Variants in TBC1D2B observed in about 807,000 individuals in gnomAD.
TBC1D2B encodes the protein TBC1 domain family, member 2B.
TBC1D2B carries 64 observed loss-of-function variants against 100.8 expected under a neutral mutation model. The ratio of observed to expected loss-of-function variants is 0.64; its 90% CI spans 0.52 to 0.78. TBC1D2B has a LOEUF of 0.78. TBC1D2B is among the 30% of genes least tolerant of loss of function. The probability of loss-of-function intolerance (pLI) is 0.00; values close to 1 mark genes in which losing one functional copy is unlikely to be tolerated. For missense variants in TBC1D2B, 1,052 were observed against 1,218.4 expected (o/e 0.86, Z 2.03); for synonymous variants, 480 against 479.7 (o/e 1.00, Z -0.01).
At chr15:78,060,831 C>T (rs892798724) in intron 1 of TBC1D2B, among the ~76,000 whole-genome samples, 1 of 151,662 alleles carries the variant, frequency 6.6e-6, no homozygotes, top group African/African-American at 2.4e-5. Context: ...ACAGGAGAAT[C>T]GTTTACACCC....
intron 3 of TBC1D2B, among the ~76,000 whole-genome samples, chr15:78,043,215 T>C (rs946460421): frequency 6.6e-6 from 1 of 152,162 alleles, no homozygotes; most frequent in Non-Finnish European, 1.5e-5. Context: ...AGGCTACTTT[T>C]TAAAACAGTG....
intron 2 of TBC1D2B, among the ~76,000 whole-genome samples, chr15:78,053,516 G>A (rs1263796269): frequency 6.6e-6 from 1 of 152,190 alleles, no homozygotes; most frequent in East Asian, 1.9e-4. Flanking sequence ...TTATCTCCAT[G>A]CTGCAAATGG....
At chr15:78,068,569 A>G (rs1457039716) in intron 1 of TBC1D2B, among the ~76,000 whole-genome samples, 1 of 152,200 alleles carries the variant, frequency 6.6e-6, no homozygotes, top group Non-Finnish European at 1.5e-5. Flanking sequence ...GCAGACACTC[A>G]AAGACTAGAC....
intron 11 of TBC1D2B, 47 bp downstream of exon 11, chr15:78,003,258 G>A: frequency 1.4e-5 from 22 of 1,566,184 alleles, no homozygotes; most frequent in Non-Finnish European, 1.8e-5. Context: ...GCTGCTGACG[G>A]TTGTCAAGTG....
At chr15:78,065,426 T>C (rs2073636020) in intron 1 of TBC1D2B, among the ~76,000 whole-genome samples, 1 of 152,150 alleles carries the variant, frequency 6.6e-6, no homozygotes, top group Non-Finnish European at 1.5e-5. Flanking sequence ...GCCACAGATT[T>C]CATCAAGACA....
rs898834455 is a variant in TBC1D2B at position 78,003,029 on chromosome 15, A to C, written c.2574+276T>G. On this transcript the variant is annotated intron_variant, in intron 11 of 12. Transcript: ENST00000300584. ...ATATGATGGGGTAACACCACCAGCC[A>C]TTTGACAGATGGTGAGGCTCAGGCT... 19 of 290,862 alleles carry C rather than the reference A, an allele frequency of 6.5e-5. No homozygotes were observed. In the South Asian group the frequency reaches 1.0e-3, roughly 16 times the overall value. 18.0% of individuals were successfully genotyped at this position (290,862 alleles called of 1,614,324 possible). A position where few individuals can be genotyped will look rare whatever the true frequency, so the allele number is the denominator to read the frequency against.
At position 78,045,018 on chromosome 15, in the gene TBC1D2B, G is replaced by A. The variant is rs1426794817; in HGVS notation, c.565C>T (p.Leu189=). 1 of 1,613,138 alleles carries A rather than the reference G, an allele frequency of 6.2e-7. No individual in the cohort carries two copies. ...TCTCCAGGCACAGTCTCCACAGCTA[G>A]GACATTTCTGGCTTTTTCTGCAGAA... ...NASAEKARNV[L]AVETVPGELV... The change falls in exon 3 of 13, where the codon CTA becomes TTA. Residue 189 remains leucine, a synonymous_variant. Coordinates refer to ENST00000300584, the MANE Select transcript of TBC1D2B (RefSeq NM_144572.2).
chr15:78,044,140 C>T (rs1216346802), intron 3 of TBC1D2B, among the ~76,000 whole-genome samples: 3 of 151,986 alleles, frequency 2.0e-5, no homozygotes, highest in South Asian at 4.2e-4. Context: ...TGAGAAGGAA[C>T]TGCTAATGTA....
chr15:78,058,607 G>A (rs1757645377), intron 1 of TBC1D2B, among the ~76,000 whole-genome samples: 1 of 152,340 alleles, frequency 6.6e-6, no homozygotes, highest in Middle Eastern at 3.4e-3. Flanking sequence ...CTGAGCCTCA[G>A]CTCAGCTGGT....
Position 78,012,846 on chromosome 15 carries a change from GA to G in TBC1D2B, c.2246del (p.Ile749ThrfsTer7), listed in dbSNP as rs2049650625. ...ACCTGTTTAGGCCTTGACAGTAGCC[GA>G]TATCTGGATTCCGCCAGGAGAAGGC... The part of the protein sequence containing the change: ...LLAFSWRNPD[I>X]GYCQGLNRLV... On this transcript the variant is annotated frameshift_variant, in exon 9 of 13. Transcript: ENST00000300584. LOFTEE classifies it high-confidence loss of function. The G allele has an allele frequency of 6.6e-7, 1 of 1,513,466 alleles. No homozygotes were observed. 93.8% of individuals were successfully genotyped at this position (1,513,466 alleles called of 1,614,324 possible).
rs150809172 is a variant in TBC1D2B, at chr15:77,997,826, G to A, written c.*334C>T. Reference sequence around the variant, plus strand: ...TATGGGGAGATGCCCAGCAAAGCAAGGTTTCAGAGGGTCAGAGCACCGACA... The same window carrying A: ...TATGGGGAGATGCCCAGCAAAGCAAAGTTTCAGAGGGTCAGAGCACCGACA... On this transcript the variant is annotated 3_prime_UTR_variant, in exon 13 of 13. Transcript: ENST00000300584. 2.2e-4 allele frequency: 46 copies of A among 209,724 alleles called. No homozygotes were observed. The highest frequency in any genetic ancestry group is 9.5e-4 in the African/African-American group (41 of 43,368). The allele number at this position is 209,724 out of a possible 1,614,324, so 13.0% of individuals were successfully genotyped here.
Position 78,034,641 on chromosome 15 carries a change from G to C in TBC1D2B, c.684-4471C>G, listed in dbSNP as rs912503910. On this transcript the variant is annotated intron_variant, in intron 3 of 12. Coordinates refer to ENST00000300584, the MANE Select transcript of TBC1D2B (RefSeq NM_144572.2). ...CCCTCCTTCCTCCCACCGCGGTTTT[G>C]GGTTTCCAGCCTGTTGCAAGCCTGA... 4 of 985,166 alleles carry C rather than the reference G, an allele frequency of 4.1e-6. No individual in the cohort carries two copies. The African/African-American group carries it at 5.2e-5, about 13-fold the overall frequency. The allele number at this position is 985,166 out of a possible 1,614,324, so 61.0% of individuals were successfully genotyped here.
intron 1 of TBC1D2B, among the ~76,000 whole-genome samples, chr15:78,071,723 C>G (rs1418397188): frequency 6.6e-6 from 1 of 152,192 alleles, no homozygotes; most frequent in Admixed American, 6.5e-5. Context: ...TCTAAAGGGT[C>G]AGGGCTCACA....
intron 11 of TBC1D2B, chr15:78,003,039 T>C (rs959756883): frequency 4.1e-5 from 13 of 316,648 alleles, no homozygotes; most frequent in Non-Finnish European, 7.3e-5. Context: ...ATTTGACAGA[T>C]GGTGAGGCTC....
Position 77,996,779 on chromosome 15 carries a change from A to G in TBC1D2B, c.*1381T>C, listed in dbSNP as rs2141601171. 6.6e-6 allele frequency: 1 copy of G among 152,340 alleles called. No individual in the cohort carries two copies. The highest frequency in any genetic ancestry group is 2.4e-5 in the African/African-American group (1 of 41,584). 9.4% of individuals were successfully genotyped at this position (152,340 alleles called of 1,614,324 possible). The stretch of plus-strand genomic sequence containing the variant: ...AGTCTCAGTGTGTTCACAACAAAGG[A>G]TGATTTCCAGTTTTTTTCGGGTAAT... On this transcript the variant is annotated 3_prime_UTR_variant, in exon 13 of 13. Coordinates refer to ENST00000300584, the MANE Select transcript of TBC1D2B (RefSeq NM_144572.2).
chr15:78,049,121 T>C (rs966877979), intron 2 of TBC1D2B, among the ~76,000 whole-genome samples: 3 of 152,108 alleles, frequency 2.0e-5, no homozygotes, highest in African/African-American at 7.2e-5. Flanking sequence ...GGAATAGAAA[T>C]ATCTTCCAAG....
At chr15:78,032,100 C>T (rs4886991) in intron 3 of TBC1D2B, among the ~76,000 whole-genome samples, 135,229 of 152,212 alleles carry the variant, frequency 0.89, 60,780 homozygotes, top group East Asian at 0.99. Context: ...AGTCTTCAAC[C>T]GAGTACTGAT....
Position 78,040,243 on chromosome 15 carries a change from G to A in TBC1D2B, c.683+4657C>T, listed in dbSNP as rs532652099. On this transcript the variant is annotated intron_variant, in intron 3 of 12. Transcript: ENST00000300584. Reference sequence around the variant, plus strand: ...TAGTTCCTTCACCTGGTGTGATTTGGACTGTTGAAAAGTTAAATGAAAAAT... The same window carrying A: ...TAGTTCCTTCACCTGGTGTGATTTGAACTGTTGAAAAGTTAAATGAAAAAT... Among the ~76,000 whole-genome samples, 3 of 152,356 alleles carry A rather than the reference G, an allele frequency of 2.0e-5. No homozygotes were observed. The South Asian group carries it at 6.2e-4, about 32-fold the overall frequency.
intron 3 of TBC1D2B, among the ~76,000 whole-genome samples, chr15:78,042,400 G>A (rs1007671585): frequency 2.0e-5 from 3 of 152,234 alleles, no homozygotes; most frequent in East Asian, 3.9e-4. Context: ...TGTTCAGCTC[G>A]GCCACACACT....
Sources: allele counts gnomAD v4.1 joint callset (sites outside exome capture counted in the v4.1 genomes callset), GRCh38; gene constraint gnomAD v4.1.1; transcripts MANE v1.5; gene names NCBI Gene and HGNC (gene_info 2026-07-23, HGNC 2026-07-21).